TMC5: variants seen among roughly 807,000 people sequenced by gnomAD.
The protein encoded by TMC5 is transmembrane channel-like protein 5.
TMC5 carries 86 observed loss-of-function variants against 110.5 expected under a neutral mutation model. The ratio of observed to expected loss-of-function variants is 0.78; its 90% confidence interval spans 0.65 to 0.93. The LOEUF (loss-of-function observed/expected upper bound fraction) is 0.93. TMC5 is among the 40% of genes least tolerant of loss of function. The pLI is 0.00. For missense variants in TMC5, 1,144 were observed against 1,222.8 expected, an observed-to-expected ratio of 0.94 and a Z score of 0.96; for synonymous variants, 455 against 439.5, an observed-to-expected ratio of 1.04 and a Z score of -0.44.
intron 6 of TMC5, among the ~76,000 whole-genome samples, chr16:19,462,897 C>CAA (rs530123989): frequency 0.055 from 4,572 of 83,756 alleles, 106 homozygotes; most frequent in African/African-American, 0.082. Flanking sequence ...GACGCCATCT[C>CAA]AAAAAAAAAA....
chr16:19,449,905 C>G (rs1967711484), intron 5 of TMC5, among the ~76,000 whole-genome samples: 1 of 152,188 alleles, frequency 6.6e-6, no homozygotes, highest in Non-Finnish European at 1.5e-5. Flanking sequence ...GAGAAATGCC[C>G]CCCAGCCATG....
At chr16:19,465,025 TTCTTTCTTTCTTTCTTTCTTTC>T (rs1306456451) in intron 8 of TMC5, among the ~76,000 whole-genome samples, 2 of 48,030 alleles carry the variant, frequency 4.2e-5, no homozygotes, top group African/African-American at 8.8e-5. Context: ...CTTTCTTTCT[TTCTTTCTTTCTTTCTTTCTTTC>T]TTTCTTTCTT....
chr16:19,463,511 G>A, intron 7 of TMC5, 144 bp downstream of exon 7: 1 of 852,624 alleles, frequency 1.2e-6, no homozygotes, highest in Non-Finnish European at 1.9e-6. Flanking sequence ...GTGTGGAAAA[G>A]CGAGGTGGGC....
chr16:19,429,566 C>G (rs1967153836), intron 1 of TMC5, among the ~76,000 whole-genome samples: 1 of 152,126 alleles, frequency 6.6e-6, no homozygotes, highest in Non-Finnish European at 1.5e-5. Flanking sequence ...CGTCCCATGA[C>G]CTGGTGCTCT....
At chr16:19,491,216 C>G (rs1968896884) in intron 18 of TMC5, among the ~76,000 whole-genome samples, 1 of 152,212 alleles carries the variant, frequency 6.6e-6, no homozygotes, top group South Asian at 2.1e-4. Context: ...CCCTGTGTTG[C>G]CCAGGCTGGT....
At chr16:19,436,627 A>G (rs1447939917) in intron 2 of TMC5, among the ~76,000 whole-genome samples, 1 of 152,182 alleles carries the variant, frequency 6.6e-6, no homozygotes, top group Non-Finnish European at 1.5e-5. Context: ...TATTTGTCAG[A>G]ATTCTTTTTT....
Position 19,485,358 on chromosome 16 carries a change from G to A in TMC5, c.2364-1587G>A, listed in dbSNP as rs188030400. ...CTAGTTGAAATAATGCAGAAGAAAG[G>A]CCTTTGTAAATGGCCAGACTGCTTT... On this transcript the variant is annotated intron_variant, in intron 15 of 21. Transcript: ENST00000542583. 3.0e-4 allele frequency among the ~76,000 whole-genome samples: 45 copies of A among 152,238 alleles called. No homozygotes were observed. The East Asian group carries it at 7.9e-3, about 27-fold the overall frequency.
chr16:19,478,642 TCATC>T (rs1306923176), intron 13 of TMC5, among the ~76,000 whole-genome samples: 1 of 152,150 alleles, frequency 6.6e-6, no homozygotes, highest in African/African-American at 2.4e-5. Flanking sequence ...ATTCATGTAT[TCATC>T]CATCCATTTA....
At chr16:19,465,069 C>T (rs1402369077) in intron 8 of TMC5, among the ~76,000 whole-genome samples, 43 of 50,532 alleles carry the variant, frequency 8.5e-4, no homozygotes, top group Admixed American at 4.6e-3. Flanking sequence ...TCCTTCCTTC[C>T]TTCCTTCCTT....
intron 2 of TMC5, among the ~76,000 whole-genome samples, chr16:19,431,718 G>T (rs1967201036): frequency 6.6e-6 from 1 of 152,068 alleles, no homozygotes; most frequent in Non-Finnish European, 1.5e-5. Flanking sequence ...GCCTCAATTA[G>T]AAAAATTAAC....
intron 10 of TMC5, 33 bp from the exon 11 acceptor site, chr16:19,472,055 C>T (rs749102330): frequency 5.0e-6 from 8 of 1,610,634 alleles, no homozygotes; most frequent in Non-Finnish European, 6.8e-6. Context: ...GCCACCATGC[C>T]CAGCCATAAA....
chr16:19,451,815 A>T lies in TMC5; in HGVS notation c.1048+2184A>T, dbSNP rs1425631917. On this transcript the variant is annotated intron_variant, in intron 5 of 21. Coordinates refer to ENST00000542583, the MANE Select transcript of TMC5 (RefSeq NM_001261841.2). The stretch of plus-strand genomic sequence containing the variant: ...ACTTTTTCTTTTTATTATTATTATT[A>T]TTTTTAAGGATCTCACTCCGTTATT... Among the ~76,000 whole-genome samples the T allele has an allele frequency of 5.9e-5, 9 of 151,954 alleles. No individual in the cohort carries two copies. In the South Asian group the frequency reaches 1.2e-3, roughly 21 times the overall value.
At chr16:19,493,460 TC>T (rs1364575254) in intron 19 of TMC5, among the ~76,000 whole-genome samples, 36 of 50,232 alleles carry the variant, frequency 7.2e-4, no homozygotes, top group African/African-American at 2.3e-3. Context: ...TCTCTCTCTC[TC>T]TCTCTTTTTT....
At position 19,440,111 on chromosome 16, in the gene TMC5, C is replaced by A. The variant is rs756493316; in HGVS notation, c.73C>A (p.Arg25Ser). Residue 25 changes from arginine to serine, a missense_variant, in exon 3 of 22, where the codon CGT becomes AGT. By Grantham distance (110) the Arg-to-Ser change is moderately radical. Transcript: ENST00000542583. ...DYPDYSGSQN[R>S]TQGYLKTQGY... is the part of the protein sequence containing the mutation. ...CCCTGACTATTCAGGGTCTCAGAAC[C>A]GTACGCAGGGGTATTTGAAAACTCA... 1 of 1,614,094 alleles carries A rather than the reference C, an allele frequency of 6.2e-7. No individual in the cohort carries two copies. The highest frequency in any genetic ancestry group is 8.5e-7 in the Non-Finnish European group (1 of 1,179,980).
chr16:19,465,291 T>C (rs1968158377), intron 8 of TMC5, among the ~76,000 whole-genome samples: 1 of 152,050 alleles, frequency 6.6e-6, no homozygotes, highest in South Asian at 2.1e-4. Context: ...CCCAGCACTT[T>C]GGGAGGCCGA....
chr16:19,421,386 C>T lies in TMC5; in HGVS notation c.-308+3294C>T, dbSNP rs143079182. 2.0e-3 allele frequency among the ~76,000 whole-genome samples: 306 copies of T among 152,166 alleles called. 2 individuals carry two copies. The highest frequency in any genetic ancestry group is 7.2e-3 in the African/African-American group (297 of 41,482). ...AGGGGTGGGTTTTTCCCATGCTGTT[C>T]TCATGGGAACACGAGATCTGACGGT... On this transcript the variant is annotated intron_variant, in intron 1 of 21. Transcript: ENST00000542583.
upstream of TMC5, among the ~76,000 whole-genome samples, chr16:19,413,304 A>T (rs1966861104): frequency 6.6e-6 from 1 of 151,956 alleles, no homozygotes; most frequent in Non-Finnish European, 1.5e-5. Flanking sequence ...TGGGCAGATC[A>T]CTTGAGTCCA....
chr16:19,482,949 C>T (rs1289156433), intron 15 of TMC5, among the ~76,000 whole-genome samples: 1 of 151,912 alleles, frequency 6.6e-6, no homozygotes, highest in Non-Finnish European at 1.5e-5. Flanking sequence ...GTGCAACCTC[C>T]ACCTCCCGGG....
chr16:19,434,341 T>G (rs1277487357), intron 2 of TMC5, among the ~76,000 whole-genome samples: 1 of 123,120 alleles, frequency 8.1e-6, no homozygotes, highest in African/African-American at 3.1e-5. Context: ...ATATAATATA[T>G]ATTATATGAT....
Sources: allele counts gnomAD v4.1 joint callset (sites outside exome capture counted in the v4.1 genomes callset), GRCh38; gene constraint gnomAD v4.1.1; transcripts MANE v1.5; gene names NCBI Gene and HGNC (gene_info 2026-07-23, HGNC 2026-07-21).